Variants in TRABD2B observed in about 807,000 individuals in gnomAD.
TRABD2B encodes metalloprotease TIKI2.
Under a neutral mutation model 40.1 loss-of-function variants are expected in TRABD2B, and 14 were observed. That is an observed-to-expected ratio of 0.35 (90% CI 0.23 to 0.55). TRABD2B has a LOEUF of 0.55. TRABD2B is among the 20% of genes least tolerant of loss of function. TRABD2B has a pLI of 0.90. For missense variants in TRABD2B, 541 were observed against 648.6 expected, an observed-to-expected ratio of 0.83 and a Z score of 1.80; for synonymous variants, 263 against 277.0, an observed-to-expected ratio of 0.95 and a Z score of 0.50.
chr1:47,950,023 C>T (rs1163388562), intron 2 of TRABD2B, among the ~76,000 whole-genome samples: 3 of 152,074 alleles, frequency 2.0e-5, no homozygotes, highest in South Asian at 2.1e-4. Context: ...CAGTGGCTCA[C>T]GCCTGTAATC....
chr1:47,806,033 G>A (rs1050592982), intron 2 of TRABD2B, among the ~76,000 whole-genome samples: 2 of 152,150 alleles, frequency 1.3e-5, no homozygotes, highest in Non-Finnish European at 2.9e-5. Flanking sequence ...AGGGAGTGAT[G>A]GGCACAAGGC....
At chr1:47,811,221 A>G (rs1228534634) in intron 2 of TRABD2B, among the ~76,000 whole-genome samples, 1 of 152,124 alleles carries the variant, frequency 6.6e-6, no homozygotes, top group Non-Finnish European at 1.5e-5. Flanking sequence ...GAGAGGTCCA[A>G]CTGAAGATGA....
At chr1:47,956,380 T>A (rs983920182) in intron 2 of TRABD2B, among the ~76,000 whole-genome samples, 2 of 152,108 alleles carry the variant, frequency 1.3e-5, no homozygotes, top group African/African-American at 4.8e-5. Context: ...GTGCAGCCCA[T>A]GGAGCATGAG....
At chr1:47,879,758 T>C (rs572033927) in intron 2 of TRABD2B, among the ~76,000 whole-genome samples, 1 of 152,370 alleles carries the variant, frequency 6.6e-6, no homozygotes, top group African/African-American at 2.4e-5. Flanking sequence ...ATCTATAACT[T>C]GTTCTTAAGG....
At chr1:47,853,766 C>T (rs1643863164) in intron 2 of TRABD2B, among the ~76,000 whole-genome samples, 1 of 152,228 alleles carries the variant, frequency 6.6e-6, no homozygotes, top group South Asian at 2.1e-4. Context: ...TGGCCCTACA[C>T]AAGCTTAAGC....
chr1:47,880,037 C>CAGCG (rs761262317), intron 2 of TRABD2B, among the ~76,000 whole-genome samples: 220 of 152,376 alleles, frequency 1.4e-3, no homozygotes, highest in Admixed American at 3.5e-3. Context: ...AGGCCAGGAG[C>CAGCG]AGCGGCTCAC....
At chr1:47,990,788 T>TCC (rs1645995413) in intron 2 of TRABD2B, among the ~76,000 whole-genome samples, 2 of 22,026 alleles carry the variant, frequency 9.1e-5, no homozygotes, top group African/African-American at 4.9e-4. Context: ...TATATATATA[T>TCC]ATATATATAT....
chr1:47,773,829 C>T (rs547132880), intron 6 of TRABD2B, among the ~76,000 whole-genome samples: 2 of 152,282 alleles, frequency 1.3e-5, no homozygotes, highest in South Asian at 4.1e-4. Flanking sequence ...AAACCAATGC[C>T]CAAAGGATCA....
Position 47,775,224 on chromosome 1 carries a change from C to T in TRABD2B, c.1295G>A (p.Ser432Asn), listed in dbSNP as rs1644428699. 1 of 1,248,838 alleles carries T rather than the reference C, an allele frequency of 8.0e-7. No homozygotes were observed. The highest frequency in any genetic ancestry group is 1.0e-6 in the Non-Finnish European group (1 of 995,496). 77.4% of individuals were successfully genotyped at this position (1,248,838 alleles called of 1,614,324 possible). Reference sequence around the variant, plus strand: ...GAACTGCCGCGGCCGCTGGTGTGTGCTCTGCCTCTTGTGCCACTTCCTCTG... The same window carrying T: ...GAACTGCCGCGGCCGCTGGTGTGTGTTCTGCCTCTTGTGCCACTTCCTCTG... ...GRQRKWHKRQ[S>N]THQRPRQFND... The change falls in exon 6 of 7, where the codon AGC becomes AAC. Residue 432 changes from serine (S) to asparagine (N), a missense_variant. Coordinates refer to ENST00000606738, the MANE Select transcript of TRABD2B (RefSeq NM_001194986.2).
At chr1:47,768,019 A>G (rs1644328346) in intron 6 of TRABD2B, among the ~76,000 whole-genome samples, 1 of 152,162 alleles carries the variant, frequency 6.6e-6, no homozygotes, top group African/African-American at 2.4e-5. Flanking sequence ...CTGACTCCAC[A>G]TGGGCTCTTG....
At chr1:47,780,970 C>T (rs1557561448) in intron 4 of TRABD2B, among the ~76,000 whole-genome samples, 1 of 152,216 alleles carries the variant, frequency 6.6e-6, no homozygotes, top group South Asian at 2.1e-4. Context: ...AGTTCTTTGA[C>T]CGACTCCTTG....
intron 2 of TRABD2B, among the ~76,000 whole-genome samples, chr1:47,926,421 G>A (rs368645735): frequency 6.6e-5 from 10 of 152,300 alleles, no homozygotes; most frequent in African/African-American, 2.4e-4. Context: ...ATCTGGGGAG[G>A]AGGAAAGCAT....
chr1:47,917,811 C>T (rs895150812), intron 2 of TRABD2B, among the ~76,000 whole-genome samples: 5 of 152,092 alleles, frequency 3.3e-5, no homozygotes, highest in Admixed American at 1.3e-4. Context: ...AACAAATACT[C>T]CCGGATTCTT....
rs1197162233 is a variant in TRABD2B, at chr1:47,775,306, G to C, written c.1213C>G (p.Leu405Val). 2 of 1,249,968 alleles carry C rather than the reference G, an allele frequency of 1.6e-6. No homozygotes were observed. Among genetic ancestry groups the C allele is most frequent in the African/African-American group, 1.5e-5 (1 of 64,876 alleles). 77.4% of individuals were successfully genotyped at this position (1,249,968 alleles called of 1,614,324 possible). A position where few individuals can be genotyped will look rare whatever the true frequency, so the allele number is the denominator to read the frequency against. ...TAPPEDEDPA[L>V]SPHLLLPDSL... ...TCGGGGAGCAGGAGGTGTGGGGACA[G>C]GGCTGGATCCTCATCCTCTGGTGGG... The change falls in exon 6 of 7, where the codon CTG becomes GTG. Residue 405 changes from leucine (L) to valine (V), a missense_variant. Physicochemically the swap from Leu to Val is conservative, Grantham distance 32 (BLOSUM62 1). This residue lies in a region of TRABD2B where 172 missense variants were observed against 155.8 expected (regional missense o/e 1.10). Transcript: ENST00000606738.
intron 2 of TRABD2B, among the ~76,000 whole-genome samples, chr1:47,804,125 C>T (rs1358212587): frequency 6.6e-6 from 1 of 152,232 alleles, no homozygotes; most frequent in African/African-American, 2.4e-5. Flanking sequence ...TGGATGCAGC[C>T]CAGGCTGCTC....
intron 2 of TRABD2B, among the ~76,000 whole-genome samples, chr1:47,940,908 C>T (rs1645177834): frequency 6.6e-6 from 1 of 152,214 alleles, no homozygotes; most frequent in Admixed American, 6.5e-5. Flanking sequence ...TTAAGACCCA[C>T]TTTAGAAATG....
At chr1:47,781,416 G>A (rs1174709654) in intron 4 of TRABD2B, among the ~76,000 whole-genome samples, 2 of 152,188 alleles carry the variant, frequency 1.3e-5, no homozygotes, top group African/African-American at 4.8e-5. Context: ...GAGTAGAGGA[G>A]ACACTTAGAG....
chr1:47,916,816 C>A lies in TRABD2B; in HGVS notation c.666+77218G>T, dbSNP rs147211975. Among the ~76,000 whole-genome samples the A allele has an allele frequency of 1.3e-3, 202 of 152,356 alleles. 3 individuals carry two copies. Among genetic ancestry groups the A allele is most frequent in the African/African-American group, 4.8e-3 (198 of 41,572 alleles). Reference sequence around the variant, plus strand: ...CCACTTCACAGTTGCCTTCTCTTGTCTCTTTTCTTCTCCCCATTCTGTTTC... The same window carrying A: ...CCACTTCACAGTTGCCTTCTCTTGTATCTTTTCTTCTCCCCATTCTGTTTC... On this transcript the variant is annotated intron_variant, in intron 2 of 6. Transcript: ENST00000606738.
In TRABD2B at chr1:47,994,171, C is replaced by G. The variant is rs1176157755; in HGVS notation, c.529G>C (p.Asp177His). The change falls in exon 2 of 7, where the codon GAC becomes CAC. Residue 177 changes from aspartate to histidine, a missense_variant. By Grantham distance (81) the Asp-to-His change is moderately conservative (BLOSUM62 -1). Coordinates refer to ENST00000606738, the MANE Select transcript of TRABD2B (RefSeq NM_001194986.2). The surrounding 1 kb of genome is among the most constrained non-coding windows in gnomAD (Gnocchi z 6.7). ...ACGGGCACACCACGGAAGCGCACGT[C>G]CCTCTCTGTGAGCGAGTTTACCATG... ...MLMVNSLTERDVRFRGVPVLD... is the reference protein window; with the variant it reads ...MLMVNSLTERHVRFRGVPVLD... 1 of 1,537,854 alleles carries G rather than the reference C, an allele frequency of 6.5e-7. No homozygotes were observed. Among genetic ancestry groups the G allele is most frequent in the African/African-American group, 1.4e-5 (1 of 73,104 alleles).
Sources: allele counts gnomAD v4.1 joint callset (sites outside exome capture counted in the v4.1 genomes callset), GRCh38; gene constraint gnomAD v4.1.1; regional missense constraint gnomAD v4.1.1; non-coding constraint Gnocchi (gnomAD v3.1); transcripts MANE v1.5; gene names NCBI Gene and HGNC (gene_info 2026-07-23, HGNC 2026-07-21).